KDM2A: variants seen among roughly 807,000 people sequenced by gnomAD.
KDM2A encodes lysine-specific demethylase 2A.
Under a neutral mutation model 137.3 loss-of-function variants are expected in KDM2A, and 3 were observed. The observed-to-expected ratio is 0.02, with a 90% confidence interval of 0.01 to 0.06. The LOEUF is 0.06. KDM2A is among the 10% of genes least tolerant of loss of function. KDM2A has a pLI of 1.00. For synonymous variants in KDM2A, 512 were observed against 541.5 expected (o/e 0.95, Z 0.76); for missense variants, 738 against 1,510.6 (o/e 0.49, Z 8.48).
intron 5 of KDM2A, among the ~76,000 whole-genome samples, chr11:67,190,508 C>T (rs1169820404): frequency 6.6e-6 from 1 of 152,092 alleles, no homozygotes; most frequent in Non-Finnish European, 1.5e-5. Context: ...TCCAGTAATC[C>T]TAGCACTTTG....
intron 5 of KDM2A, among the ~76,000 whole-genome samples, chr11:67,187,284 C>T (rs1565394544): frequency 6.6e-6 from 1 of 152,032 alleles, no homozygotes; most frequent in African/African-American, 2.4e-5. Context: ...ACCAAAATGA[C>T]AGAAGTATGT....
In KDM2A at chr11:67,189,794, C is replaced by A. The variant is rs575562599; in HGVS notation, c.307+7902C>A. The stretch of plus-strand genomic sequence containing the variant: ...AGCGGAGGTTGCAGTGAGCCAAGAT[C>A]GCACATTGCACTCCAGCCGGGGCAA... On this transcript the variant is annotated intron_variant, in intron 5 of 20. Transcript: ENST00000529006. 4.0e-5 allele frequency among the ~76,000 whole-genome samples: 6 copies of A among 151,848 alleles called. No individual in the cohort carries two copies. The South Asian group carries it at 1.3e-3, about 32-fold the overall frequency.
chr11:67,152,607 C>CA (rs1030365069), intron 2 of KDM2A, among the ~76,000 whole-genome samples: 296 of 134,606 alleles, frequency 2.2e-3, no homozygotes, highest in Non-Finnish European at 2.6e-3. Flanking sequence ...GACCCTGTTA[C>CA]AAAAAAAAAA....
intron 12 of KDM2A, among the ~76,000 whole-genome samples, chr11:67,234,880 C>T (rs1244666578): frequency 6.6e-6 from 1 of 151,966 alleles, no homozygotes; most frequent in African/African-American, 2.4e-5. Flanking sequence ...GGCATGGTGG[C>T]TCATGCCTGT....
chr11:67,163,844 C>T (rs1421086643), intron 2 of KDM2A, among the ~76,000 whole-genome samples: 4 of 148,776 alleles, frequency 2.7e-5, no homozygotes, highest in African/African-American at 9.9e-5. Flanking sequence ...GACAGAGCGA[C>T]ACTCCATCTT....
At chr11:67,181,449 C>G in intron 4 of KDM2A, 51 bp downstream of exon 4, 1 of 1,223,372 alleles carries the variant, frequency 8.2e-7, no homozygotes, top group Non-Finnish European at 1.2e-6. Context: ...CCTCGTTACA[C>G]CCAGGGCAAT....
intron 5 of KDM2A, among the ~76,000 whole-genome samples, chr11:67,194,554 A>G (rs958243189): frequency 6.6e-6 from 1 of 152,242 alleles, no homozygotes; most frequent in Non-Finnish European, 1.5e-5. Flanking sequence ...GCGAGAAGGT[A>G]AAAAACACCA....
In KDM2A at chr11:67,245,299, C is replaced by T. The variant is rs1772749358; in HGVS notation, c.1674C>T (p.Ser558=). ...RLTPVRPAAA[S]PIVSGARRRR... Reference sequence around the variant, plus strand: ...CACCTGTGAGGCCAGCTGCTGCCTCCCCGATTGTGTCAGGAGCCAGACGGA... The same window carrying T: ...CACCTGTGAGGCCAGCTGCTGCCTCTCCGATTGTGTCAGGAGCCAGACGGA... Residue 558 remains serine (S), a synonymous_variant, in exon 14 of 21, where the codon TCC becomes TCT. Transcript: ENST00000529006. The surrounding 1 kb of genome is among the most constrained non-coding windows in gnomAD (Gnocchi z 4.1). The T allele has an allele frequency of 1.2e-6, 2 of 1,613,928 alleles. No individual in the cohort carries two copies. The highest frequency in any genetic ancestry group is 1.7e-6 in the Non-Finnish European group (2 of 1,179,916).
chr11:67,185,291 C>T (rs1857177484), intron 5 of KDM2A, among the ~76,000 whole-genome samples: 1 of 152,024 alleles, frequency 6.6e-6, no homozygotes, highest in East Asian at 1.9e-4. Flanking sequence ...GTCTAAGGAA[C>T]AGAATGACAA....
chr11:67,155,839 C>T (rs1856499835), intron 2 of KDM2A, among the ~76,000 whole-genome samples: 1 of 148,976 alleles, frequency 6.7e-6, no homozygotes, highest in Admixed American at 6.7e-5. Flanking sequence ...TGGTTTGGAA[C>T]TCCCGACCTC....
chr11:67,245,357 G>A lies in KDM2A; in HGVS notation c.1732G>A (p.Val578Met), dbSNP rs372286746. The A allele has an allele frequency of 4.8e-5, 78 of 1,613,918 alleles. No individual in the cohort carries two copies. Among genetic ancestry groups the A allele is most frequent in the Admixed American group, 8.3e-5 (5 of 59,994 alleles). ...GCGATGTCGAAAATGCAAAGCCTGT[G>A]TGCAAGGAGAGTGTGGTGTTTGCCA... is the stretch of plus-strand genomic sequence containing the variant. Reference protein sequence around the residue: ...RVRCRKCKACVQGECGVCHYC... With the variant: ...RVRCRKCKACMQGECGVCHYC... Residue 578 changes from valine (V) to methionine (M), a missense_variant, in exon 14 of 21, where the codon GTG (valine) becomes ATG (methionine). Val to Met is a conservative substitution (Grantham distance 21). Around this residue, in one of 9 missense-constraint regions of KDM2A, gnomAD observed 7 missense variants for 62.4 expected, o/e 0.11. Coordinates refer to ENST00000529006, the MANE Select transcript of KDM2A (RefSeq NM_012308.3). This position sits in a 1 kb window ranked among gnomAD's most constrained non-coding sequence, Gnocchi z 4.1.
intron 2 of KDM2A, among the ~76,000 whole-genome samples, chr11:67,129,758 A>C (rs1017695093): frequency 6.7e-6 from 1 of 149,688 alleles, no homozygotes. Flanking sequence ...AAAGAAAAAG[A>C]AAAATAGCCG....
intron 2 of KDM2A, among the ~76,000 whole-genome samples, chr11:67,160,767 A>G (rs574101313): frequency 6.6e-6 from 1 of 152,084 alleles, no homozygotes; most frequent in Non-Finnish European, 1.5e-5. Flanking sequence ...GTGAAACTCC[A>G]TCTCAAAAAA....
chr11:67,161,800 T>G (rs1856644972), intron 2 of KDM2A, among the ~76,000 whole-genome samples: 1 of 152,222 alleles, frequency 6.6e-6, no homozygotes, highest in African/African-American at 2.4e-5. Flanking sequence ...AAGTGTAGAC[T>G]TTCCAGAAGT....
chr11:67,166,181 TTC>T (rs1475340745), intron 2 of KDM2A, among the ~76,000 whole-genome samples: 23 of 151,872 alleles, frequency 1.5e-4, no homozygotes, highest in Admixed American at 5.9e-4. Flanking sequence ...GAAACAATAT[TTC>T]TCTTTTTTTT....
At chr11:67,123,784 C>T (rs940333007) in intron 2 of KDM2A, among the ~76,000 whole-genome samples, 17 of 151,884 alleles carry the variant, frequency 1.1e-4, no homozygotes. Flanking sequence ...TCAAGTGATT[C>T]TCTTGTCTCA....
intron 5 of KDM2A, among the ~76,000 whole-genome samples, chr11:67,190,058 C>T (rs569433671): frequency 9.9e-5 from 15 of 152,268 alleles, no homozygotes; most frequent in African/African-American, 3.4e-4. Flanking sequence ...ACAAAATTGA[C>T]AAAGCTTTAT....
Position 67,136,961 on chromosome 11 carries a change from A to G in KDM2A, c.42+15603A>G, listed in dbSNP as rs572576023. On this transcript the variant is annotated intron_variant, in intron 2 of 20. Transcript: ENST00000529006. ...ATAGGCTGCAGTAACAGTATATGAT[A>G]GAGTGAGCTAATCTAGACTTCAGTA... Among the ~76,000 whole-genome samples the G allele has an allele frequency of 3.3e-5, 5 of 152,352 alleles. No individual in the cohort carries two copies. The South Asian group carries it at 6.2e-4, about 19-fold the overall frequency.
chr11:67,210,791 A>G (rs893542542), intron 6 of KDM2A, among the ~76,000 whole-genome samples: 3 of 152,202 alleles, frequency 2.0e-5, no homozygotes, highest in African/African-American at 7.2e-5. Context: ...CATGTGGAAT[A>G]GTCACACATT....
Sources: allele counts gnomAD v4.1 joint callset (sites outside exome capture counted in the v4.1 genomes callset), GRCh38; gene constraint gnomAD v4.1.1; regional missense constraint gnomAD v4.1.1; non-coding constraint Gnocchi (gnomAD v3.1); transcripts MANE v1.5; gene names NCBI Gene and HGNC (gene_info 2026-07-23, HGNC 2026-07-21).